The following PRDM16 variants were observed in gnomAD, a reference collection of about 807,000 sequenced individuals.
PRDM16 encodes PR/SET domain 16, also known as histone-lysine N-methyltransferase PRDM16.
A neutral mutation model predicts 110.6 loss-of-function variants in PRDM16; 23 were observed. The observed-to-expected ratio is 0.21, with a 90% CI of 0.15 to 0.29. PRDM16 has a LOEUF of 0.29. PRDM16 is among the 10% of genes least tolerant of loss of function. The pLI, the probability that PRDM16 is intolerant of heterozygous loss-of-function variation, is 1.00. For missense variants in PRDM16, 1,615 were observed against 1,794.3 expected, an observed-to-expected ratio of 0.90 and a Z score of 1.81; for synonymous variants, 799 against 781.8, an observed-to-expected ratio of 1.02 and a Z score of -0.37.
chr1:3,320,249 C>G lies in PRDM16; in HGVS notation c.439-64903C>G, dbSNP rs77823983. On this transcript the variant is annotated intron_variant, in intron 3 of 16. Coordinates refer to ENST00000270722, the MANE Select transcript of PRDM16 (RefSeq NM_022114.4). ...AGACTGATGTCTGTGAAGGACCAAA[C>G]CCTACAGGTTCCTAGGAATTTCACT... is the stretch of plus-strand genomic sequence containing the variant. Among the ~76,000 whole-genome samples, 300 of 152,356 alleles carry G rather than the reference C, an allele frequency of 2.0e-3. 9 individuals are homozygous for G. In the East Asian group the frequency reaches 0.051, roughly 26 times the overall value.
intron 1 of PRDM16, among the ~76,000 whole-genome samples, chr1:3,183,475 C>G (rs1319410236): frequency 2.0e-5 from 3 of 152,228 alleles, no homozygotes; most frequent in African/African-American, 7.2e-5. Flanking sequence ...TAGCCCTCCT[C>G]TCACCCACCC....
chr1:3,328,227 A>T (rs1271106723), intron 3 of PRDM16, among the ~76,000 whole-genome samples: 1 of 152,158 alleles, frequency 6.6e-6, no homozygotes, highest in Non-Finnish European at 1.5e-5. Context: ...TGACTGAGGG[A>T]CTTGTTCCCT....
intron 3 of PRDM16, among the ~76,000 whole-genome samples, chr1:3,354,176 T>G (rs377165743): frequency 6.6e-6 from 1 of 152,192 alleles, no homozygotes; most frequent in Non-Finnish European, 1.5e-5. Flanking sequence ...GAACCATTGC[T>G]AGGCCGGGTG....
intron 3 of PRDM16, among the ~76,000 whole-genome samples, chr1:3,312,231 G>T (rs879585744): frequency 6.6e-6 from 1 of 152,224 alleles, no homozygotes; most frequent in Admixed American, 6.5e-5. Flanking sequence ...CATCCATGGC[G>T]CCGTCAGCAT....
At chr1:3,270,768 T>TGACAGTCA (rs1640432380) in intron 3 of PRDM16, among the ~76,000 whole-genome samples, 2 of 116,718 alleles carry the variant, frequency 1.7e-5, no homozygotes, top group African/African-American at 8.8e-5. Flanking sequence ...AGGACAGTCC[T>TGACAGTCA]GGAGGAGGAC....
chr1:3,240,408 A>C (rs1017851784), intron 2 of PRDM16, among the ~76,000 whole-genome samples: 1 of 58,318 alleles, frequency 1.7e-5, no homozygotes, highest in Non-Finnish European at 3.3e-5. Flanking sequence ...AACCTGTTTC[A>C]AAAAAAAAAA....
chr1:3,381,986 G>A (rs932586244), intron 3 of PRDM16, among the ~76,000 whole-genome samples: 3 of 152,198 alleles, frequency 2.0e-5, no homozygotes, highest in Admixed American at 6.5e-5. Context: ...GGGGGGCCTC[G>A]TGGGTCTTGG....
intron 3 of PRDM16, among the ~76,000 whole-genome samples, chr1:3,356,424 T>C (rs1006153563): frequency 6.6e-6 from 1 of 152,138 alleles, no homozygotes; most frequent in Non-Finnish European, 1.5e-5. Flanking sequence ...CAATCTGCCC[T>C]CCGGGGAGAC....
At chr1:3,106,163 G>T (rs995660546) in intron 1 of PRDM16, among the ~76,000 whole-genome samples, 76 of 152,212 alleles carry the variant, frequency 5.0e-4, no homozygotes, top group Non-Finnish European at 8.2e-4. Flanking sequence ...GGCGGGGTAT[G>T]GGGGGAAGCC....
At chr1:3,154,146 C>T (rs1351742277) in intron 1 of PRDM16, among the ~76,000 whole-genome samples, 5 of 152,166 alleles carry the variant, frequency 3.3e-5, no homozygotes, top group South Asian at 2.1e-4. Context: ...CCATGTGCAC[C>T]GCTGTGGCTG....
chr1:3,180,565 G>T (rs915583035), intron 1 of PRDM16, among the ~76,000 whole-genome samples: 1 of 152,148 alleles, frequency 6.6e-6, no homozygotes, highest in African/African-American at 2.4e-5. Context: ...CAAAAGTAAA[G>T]ACCCAGGCCA....
chr1:3,220,399 C>A (rs1018951372), intron 2 of PRDM16, among the ~76,000 whole-genome samples: 1 of 152,224 alleles, frequency 6.6e-6, no homozygotes, highest in Non-Finnish European at 1.5e-5. Flanking sequence ...CTCCCCGCGT[C>A]TGCCACCTTC....
chr1:3,369,696 C>T (rs1159656746), intron 3 of PRDM16, among the ~76,000 whole-genome samples: 1 of 152,208 alleles, frequency 6.6e-6, no homozygotes, highest in Non-Finnish European at 1.5e-5. Flanking sequence ...ATGTCTCTCT[C>T]AATTAAGCCA....
At chr1:3,286,242 G>T (rs1640840466) in intron 3 of PRDM16, among the ~76,000 whole-genome samples, 1 of 152,182 alleles carries the variant, frequency 6.6e-6, no homozygotes, top group Non-Finnish European at 1.5e-5. Flanking sequence ...CAGGAATATT[G>T]CAAGTTGTGT....
chr1:3,251,305 A>AGAGGTGAGGT (rs1553152981), intron 3 of PRDM16, among the ~76,000 whole-genome samples: 1 of 150,850 alleles, frequency 6.6e-6, no homozygotes, highest in Non-Finnish European at 1.5e-5. Context: ...TGCGTGGTTC[A>AGAGGTGAGGT]GGGGTGAGGT....
chr1:3,341,295 G>C (rs551207546), intron 3 of PRDM16, among the ~76,000 whole-genome samples: 1 of 152,344 alleles, frequency 6.6e-6, no homozygotes, highest in African/African-American at 2.4e-5. Context: ...AGGTCTCAGA[G>C]GGAGTGACCA....
In PRDM16 at chr1:3,402,956, A is replaced by C; in HGVS notation, c.842A>C (p.His281Pro). 1 of 1,612,506 alleles carries C rather than the reference A, an allele frequency of 6.2e-7. No homozygotes were observed. The highest frequency in any genetic ancestry group is 8.5e-7 in the Non-Finnish European group (1 of 1,179,906). Residue 281 changes from histidine to proline, a missense_variant, in exon 6 of 17, where the codon CAC (histidine) becomes CCC (proline). This residue lies in a region of PRDM16 where 416 missense variants were observed against 467.1 expected (regional missense o/e 0.89). Transcript: ENST00000270722. The part of the protein sequence containing the change: ...EGLGGGSGQA[H>P]ECKDCERMFP... ...CTTGGCGGTGGCAGCGGCCAAGCCC[A>C]CGAGTGCAAGGACTGCGAGCGGATG... is the stretch of plus-strand genomic sequence containing the variant.
At chr1:3,365,383 C>T (rs942208680) in intron 3 of PRDM16, among the ~76,000 whole-genome samples, 3 of 152,188 alleles carry the variant, frequency 2.0e-5, no homozygotes, top group East Asian at 1.9e-4. Context: ...AGGAAAGGCG[C>T]GTGTGGCTGG....
chr1:3,095,905 ACTCGAGGTC>A (rs2100607190), intron 1 of PRDM16, among the ~76,000 whole-genome samples: 1 of 151,784 alleles, frequency 6.6e-6, no homozygotes, highest in Non-Finnish European at 1.5e-5. Flanking sequence ...TGCAGCATGG[ACTCGAGGTC>A]CGCTCAGCAT....
Sources: gnomAD v4.1 joint callset for allele counts (sites outside exome capture counted in the v4.1 genomes callset) on GRCh38, gnomAD v4.1.1 for gene constraint, gnomAD v4.1.1 regional missense constraint, MANE v1.5 for transcripts, NCBI Gene and HGNC (gene_info 2026-07-23, HGNC 2026-07-21) for gene names.